CES5A: variants seen among roughly 807,000 people sequenced by gnomAD.
CES5A encodes carboxylesterase 5.
A neutral mutation model predicts 62.9 loss-of-function variants in CES5A; 67 were observed. The ratio of observed to expected loss-of-function variants is 1.07; its 90% CI spans 0.88 to 1.31. The LOEUF (loss-of-function observed/expected upper bound fraction) is 1.31, where lower values mean the gene tolerates loss of function less well. Among genes scored for constraint, CES5A ranks in the 50% most tolerant of loss-of-function variants. The pLI is 0.00. For missense variants in CES5A, 748 were observed against 708.5 expected, an observed-to-expected ratio of 1.06 and a Z score of -0.63; for synonymous variants, 296 against 280.8, an observed-to-expected ratio of 1.05 and a Z score of -0.54.
At chr16:55,899,166 C>T (rs1470605368) in intron 1 of CES5A, among the ~76,000 whole-genome samples, 3 of 152,174 alleles carry the variant, frequency 2.0e-5, no homozygotes, top group African/African-American at 7.2e-5. Context: ...GGTCCTGATG[C>T]TAACATCTCA....
intron 2 of CES5A, chr16:55,949,748 A>G: frequency 1.9e-6 from 2 of 1,054,280 alleles, no homozygotes; most frequent in East Asian, 2.8e-5. Flanking sequence ...CTCAAGGGGC[A>G]GACCCAACCC....
intron 1 of CES5A, among the ~76,000 whole-genome samples, chr16:55,914,637 A>G (rs985444092): frequency 2.3e-4 from 35 of 152,322 alleles, no homozygotes; most frequent in African/African-American, 8.2e-4. Context: ...AGGGAAGGAC[A>G]TGCCCTTTAA....
chr16:55,871,526 C>G, intron 3 of CES5A, 99 bp downstream of exon 3: 1 of 1,358,938 alleles, frequency 7.4e-7, no homozygotes, highest in Non-Finnish European at 1.0e-6. Flanking sequence ...TTTTACCCAA[C>G]AGGGGGTAGT....
At chr16:55,900,200 T>G (rs1406195001) in intron 1 of CES5A, among the ~76,000 whole-genome samples, 2 of 152,206 alleles carry the variant, frequency 1.3e-5, no homozygotes, top group African/African-American at 4.8e-5. Flanking sequence ...ACTGCTGTCA[T>G]GCCCTGCCCC....
intron 2 of CES5A, chr16:55,949,746 G>A: frequency 2.9e-6 from 3 of 1,019,300 alleles, no homozygotes; most frequent in East Asian, 2.8e-5. Flanking sequence ...GACTCAAGGG[G>A]CAGACCCAAC....
intron 1 of CES5A, among the ~76,000 whole-genome samples, chr16:55,885,805 T>C (rs1281568132): frequency 1.3e-5 from 2 of 152,208 alleles, no homozygotes; most frequent in Non-Finnish European, 2.9e-5. Context: ...TTCATTCTCA[T>C]GGCCACTACC....
intron 5 of CES5A, among the ~76,000 whole-genome samples, chr16:55,865,705 A>G (rs2033442865): frequency 6.6e-6 from 1 of 152,196 alleles, no homozygotes; most frequent in African/African-American, 2.4e-5. Context: ...CTCCTCTACA[A>G]ATATAAGGGA....
intron 2 of CES5A, among the ~76,000 whole-genome samples, chr16:55,932,506 T>A (rs2034325262): frequency 7.1e-6 from 1 of 141,262 alleles, no homozygotes; most frequent in Non-Finnish European, 1.5e-5. Context: ...ATTCATTAAA[T>A]GATAGATTGT....
At chr16:55,872,489 A>G (rs1427262270) in intron 2 of CES5A, among the ~76,000 whole-genome samples, 5 of 152,228 alleles carry the variant, frequency 3.3e-5, no homozygotes, top group Non-Finnish European at 7.3e-5. Flanking sequence ...AACTGTGAGC[A>G]GCTAAAAGCC....
chr16:55,869,175 A>G (rs1313982035), intron 4 of CES5A, among the ~76,000 whole-genome samples: 1 of 152,322 alleles, frequency 6.6e-6, no homozygotes, highest in Non-Finnish European at 1.5e-5. Flanking sequence ...TGGCCATGTG[A>G]CTGAGTTCTG....
chr16:55,947,992 G>A (rs1165446464), intron 2 of CES5A, among the ~76,000 whole-genome samples: 1 of 152,090 alleles, frequency 6.6e-6, no homozygotes, highest in East Asian at 1.9e-4. Flanking sequence ...TCACTGCTGT[G>A]TTGAGAATAG....
Position 55,846,369 on chromosome 16 carries a change from A to G in CES5A, c.*82T>C, listed in dbSNP as rs534581735. 1.9e-6 allele frequency: 2 copies of G among 1,045,992 alleles called. No homozygotes were observed. The highest frequency in any genetic ancestry group is 2.8e-5 in the South Asian group (2 of 70,654). 64.8% of individuals were successfully genotyped at this position (1,045,992 alleles called of 1,614,324 possible). On this transcript the variant is annotated 3_prime_UTR_variant, in exon 13 of 13. Coordinates refer to ENST00000290567, the MANE Select transcript of CES5A (RefSeq NM_001143685.2). ...TTTTGCAAGGATCCCCATAGAAAGC[A>G]GCTGAGCTCAGAAAGAAGCTAATGA...
rs560669334 is a variant in CES5A at position 55,857,382 on chromosome 16, G to A, written c.1057-937C>T. ...ATTACCACTTTCTGGCAAAATTACCGCTTTAAAATGTGAGGCAGCAGAAAC... is the reference window on the plus strand; with the variant it reads ...ATTACCACTTTCTGGCAAAATTACCACTTTAAAATGTGAGGCAGCAGAAAC... On this transcript the variant is annotated intron_variant, in intron 8 of 12. Transcript: ENST00000290567. 1.1e-4 allele frequency among the ~76,000 whole-genome samples: 17 copies of A among 152,198 alleles called. No homozygotes were observed. In the South Asian group the frequency reaches 1.7e-3, roughly 15 times the overall value.
intron 1 of CES5A, among the ~76,000 whole-genome samples, chr16:55,920,440 G>C (rs1233997470): frequency 6.6e-6 from 1 of 152,180 alleles, no homozygotes; most frequent in Admixed American, 6.5e-5. Context: ...CACTGCAGGA[G>C]GTTTGTCCCA....
intron 1 of CES5A, among the ~76,000 whole-genome samples, chr16:55,915,364 C>T (rs1241825348): frequency 2.0e-5 from 3 of 150,266 alleles, no homozygotes; most frequent in East Asian, 1.9e-4. Flanking sequence ...GCCAGGGAAG[C>T]GGGAGGAAAA....
chr16:55,871,932 C>T (rs1454230185), intron 2 of CES5A, 169 bp from the exon 3 acceptor site: 4 of 625,556 alleles, frequency 6.4e-6, no homozygotes, highest in Non-Finnish European at 1.1e-5. Context: ...GTTTCCAAAA[C>T]AAACAAGCAA....
At chr16:55,908,629 G>A (rs1476125979) in intron 1 of CES5A, among the ~76,000 whole-genome samples, 2 of 152,176 alleles carry the variant, frequency 1.3e-5, no homozygotes, top group African/African-American at 4.8e-5. Context: ...CTAAGTGCTG[G>A]GATTACAAGC....
At chr16:55,857,267 G>A (rs1423105899) in intron 8 of CES5A, among the ~76,000 whole-genome samples, 2 of 152,230 alleles carry the variant, frequency 1.3e-5, no homozygotes, top group African/African-American at 4.8e-5. Flanking sequence ...TCCCGCGAGG[G>A]TGGTGATGAG....
intron 6 of CES5A, among the ~76,000 whole-genome samples, chr16:55,863,042 C>G (rs1482073447): frequency 6.6e-6 from 1 of 152,204 alleles, no homozygotes; most frequent in Non-Finnish European, 1.5e-5. Flanking sequence ...AGCGTAGGCA[C>G]AGAAGAACTG....
Sources: allele counts gnomAD v4.1 joint callset (sites outside exome capture counted in the v4.1 genomes callset), GRCh38; gene constraint gnomAD v4.1.1; transcripts MANE v1.5; gene names NCBI Gene and HGNC (gene_info 2026-07-23, HGNC 2026-07-21).